Variants in FARS2 observed in about 807,000 individuals in gnomAD.
FARS2 encodes phenylalanine--tRNA ligase, mitochondrial.
In FARS2, 40 loss-of-function variants were observed where a neutral mutation model predicts 46.4. The ratio of observed to expected loss-of-function variants is 0.86; its 90% confidence interval spans 0.67 to 1.12. The LOEUF is 1.12. Among genes scored for constraint, FARS2 ranks in the 50% most tolerant of loss-of-function variants. The pLI, the probability that FARS2 is intolerant of heterozygous loss-of-function variation, is 0.00. For synonymous variants in FARS2, 234 were observed against 214.9 expected, an observed-to-expected ratio of 1.09 and a Z score of -0.78; for missense variants, 513 against 567.9, an observed-to-expected ratio of 0.90 and a Z score of 0.98.
At chr6:5,505,780 C>G (rs941833758) in intron 4 of FARS2, among the ~76,000 whole-genome samples, 2 of 152,192 alleles carry the variant, frequency 1.3e-5, no homozygotes, top group African/African-American at 4.8e-5. Context: ...AAAAGGAAGA[C>G]AGCAGATGCA....
At chr6:5,746,254 A>C (rs1357107954) in intron 6 of FARS2, among the ~76,000 whole-genome samples, 2 of 152,172 alleles carry the variant, frequency 1.3e-5, no homozygotes, top group Admixed American at 6.5e-5. Flanking sequence ...GAACAAAGAC[A>C]GTGACACGAT....
intron 4 of FARS2, among the ~76,000 whole-genome samples, chr6:5,467,694 G>A (rs1356935452): frequency 2.6e-5 from 4 of 152,104 alleles, no homozygotes; most frequent in Admixed American, 2.6e-4. Context: ...ATAGTCATAA[G>A]TTTTATTATC....
At chr6:5,614,921 C>T (rs573261936) in intron 6 of FARS2, among the ~76,000 whole-genome samples, 1 of 152,294 alleles carries the variant, frequency 6.6e-6, no homozygotes, top group Admixed American at 6.5e-5. Context: ...AAAATCTTGG[C>T]TTGGTCTTTC....
chr6:5,351,279 A>G (rs1231383512), intron 1 of FARS2, among the ~76,000 whole-genome samples: 1 of 152,236 alleles, frequency 6.6e-6, no homozygotes, highest in African/African-American at 2.4e-5. Flanking sequence ...GATTGATTTA[A>G]TGCATGAATA....
At chr6:5,528,367 A>G (rs139874479) in intron 4 of FARS2, among the ~76,000 whole-genome samples, 40 of 152,284 alleles carry the variant, frequency 2.6e-4, no homozygotes, top group African/African-American at 9.4e-4. Context: ...ATTTAAGACC[A>G]TACTTGACTG....
intron 1 of FARS2, among the ~76,000 whole-genome samples, chr6:5,321,349 T>A (rs185101722): frequency 4.9e-4 from 74 of 152,346 alleles, no homozygotes; most frequent in African/African-American, 1.7e-3. Flanking sequence ...TTGCACTGTT[T>A]GTAGACGTAG....
intron 4 of FARS2, chr6:5,458,093 G>A (rs894968746): frequency 2.0e-5 from 3 of 152,678 alleles, no homozygotes; most frequent in Non-Finnish European, 1.5e-5. Context: ...ATCAGCTCCA[G>A]GGCGCAGCTT....
intron 3 of FARS2, among the ~76,000 whole-genome samples, chr6:5,407,043 T>TATATATATATATATATATATATATATATA (rs1761643010): frequency 1.2e-5 from 1 of 83,904 alleles, no homozygotes; most frequent in Non-Finnish European, 2.3e-5. Flanking sequence ...AGGTGGCAAA[T>TATATATATATATATATATATATATATATA]TATATATATA....
rs190983557 is a variant in FARS2 at position 5,767,142 on chromosome 6, A to G, written c.1218-4149A>G. 3.0e-3 allele frequency among the ~76,000 whole-genome samples: 453 copies of G among 151,684 alleles called. 5 individuals carry two copies. Among genetic ancestry groups the G allele is most frequent in the African/African-American group, 0.01 (432 of 41,344 alleles). The stretch of plus-strand genomic sequence containing the variant: ...GCGATCTCCACTCACTGCAACCTCC[A>G]CCTCCCAGATTCAAGCCATTCTTGT... On this transcript the variant is annotated intron_variant, in intron 6 of 6. Transcript: ENST00000274680.
rs539961897 is a variant in FARS2 at position 5,499,048 on chromosome 6, C to T, written c.905-46132C>T. 3.3e-5 allele frequency among the ~76,000 whole-genome samples: 5 copies of T among 152,262 alleles called. 1 individual carries two copies. The East Asian group carries it at 5.8e-4, about 18-fold the overall frequency. On this transcript the variant is annotated intron_variant, in intron 4 of 6. Transcript: ENST00000274680. ...GAGTAGCTGGGATTACAGGCATGCA[C>T]CACCACGCCCAGCAAATTTTTGTAT...
At chr6:5,640,038 A>C (rs938161837) in intron 6 of FARS2, among the ~76,000 whole-genome samples, 1 of 151,974 alleles carries the variant, frequency 6.6e-6, no homozygotes, top group Non-Finnish European at 1.5e-5. Flanking sequence ...TATTGCACTG[A>C]GCTTGTAAAA....
In FARS2 at chr6:5,277,242, A is replaced by G. The variant is rs114813133; in HGVS notation, c.-22+15582A>G. 4.3e-3 allele frequency among the ~76,000 whole-genome samples: 636 copies of G among 147,924 alleles called. 1 individual carries two copies. Among genetic ancestry groups the G allele is most frequent in the African/African-American group, 0.015 (600 of 40,216 alleles). On this transcript the variant is annotated intron_variant, in intron 1 of 6. Coordinates refer to ENST00000274680, the MANE Select transcript of FARS2 (RefSeq NM_006567.5). ...CTTTTCTTTTCCCAGATTAATTGTT[A>G]CTTGTCACATGTAGATATTTGACTT...
At chr6:5,434,579 T>A (rs560659875) in intron 4 of FARS2, among the ~76,000 whole-genome samples, 3 of 152,338 alleles carry the variant, frequency 2.0e-5, no homozygotes, top group East Asian at 3.9e-4. Context: ...TGTCTGTAGT[T>A]AAAATCTGTA....
At chr6:5,376,557 G>A (rs1014059542) in intron 2 of FARS2, among the ~76,000 whole-genome samples, 1 of 152,116 alleles carries the variant, frequency 6.6e-6, no homozygotes, top group Non-Finnish European at 1.5e-5. Flanking sequence ...CCCATCAAGA[G>A]GAGCAAGGAT....
intron 5 of FARS2, among the ~76,000 whole-genome samples, chr6:5,549,527 C>G (rs1771248194): frequency 6.6e-6 from 1 of 152,076 alleles, no homozygotes; most frequent in East Asian, 1.9e-4. Flanking sequence ...TGCCTTTTCT[C>G]TCTCCTTCAT....
chr6:5,414,818 T>G (rs1479934004), intron 3 of FARS2, among the ~76,000 whole-genome samples: 3 of 136,792 alleles, frequency 2.2e-5, no homozygotes, highest in African/African-American at 8.1e-5. Context: ...ACTGTTTTTT[T>G]TTTTTTTTTT....
chr6:5,539,408 T>TATATATATA (rs68137910), intron 4 of FARS2, among the ~76,000 whole-genome samples: 14 of 93,942 alleles, frequency 1.5e-4, no homozygotes, highest in Admixed American at 3.3e-4. Context: ...ATGTATATAT[T>TATATATATA]TTTTTAGTAG....
In FARS2 at chr6:5,451,500, A is replaced by T. The variant is rs574387500; in HGVS notation, c.904+20328A>T. Among the ~76,000 whole-genome samples, 115 of 152,274 alleles carry T rather than the reference A, an allele frequency of 7.6e-4. 1 individual carries two copies. Among genetic ancestry groups the T allele is most frequent in the Non-Finnish European group, 1.4e-3 (97 of 68,030 alleles). On this transcript the variant is annotated intron_variant, in intron 4 of 6. Coordinates refer to ENST00000274680, the MANE Select transcript of FARS2 (RefSeq NM_006567.5). Reference sequence around the variant, plus strand: ...CTGGGGCTCACTGCTCATTTCCATAATCAATGGAGAAATAGCCAGTGGAGA... The same window carrying T: ...CTGGGGCTCACTGCTCATTTCCATATTCAATGGAGAAATAGCCAGTGGAGA...
At chr6:5,394,599 T>C (rs1760780429) in intron 2 of FARS2, among the ~76,000 whole-genome samples, 2 of 152,176 alleles carry the variant, frequency 1.3e-5, no homozygotes, top group Non-Finnish European at 2.9e-5. Flanking sequence ...GTTTTATTAC[T>C]CAGGTTTTAT....
Sources: gnomAD v4.1 joint callset for allele counts (sites outside exome capture counted in the v4.1 genomes callset) on GRCh38, gnomAD v4.1.1 for gene constraint, MANE v1.5 for transcripts, NCBI Gene and HGNC (gene_info 2026-07-23, HGNC 2026-07-21) for gene names.